Variants in CAMTA1 observed in about 807,000 individuals in gnomAD.
The protein encoded by CAMTA1 is calmodulin-binding transcription activator 1.
CAMTA1 carries 27 observed loss-of-function variants against 170.9 expected under a neutral mutation model. The ratio of observed to expected loss-of-function variants is 0.16; its 90% confidence interval spans 0.12 to 0.22. The LOEUF is 0.22. Among genes scored for constraint, CAMTA1 ranks in the 10% least tolerant of loss-of-function variants. The pLI, the probability that CAMTA1 is intolerant of heterozygous loss-of-function variation, is 1.00. For synonymous variants in CAMTA1, 833 were observed against 891.5 expected (o/e 0.93, Z 1.17); for missense variants, 1,619 against 2,217.2 (o/e 0.73, Z 5.42).
chr1:7,548,672 A>G (rs1344523169), intron 6 of CAMTA1, among the ~76,000 whole-genome samples: 630 of 52,798 alleles, frequency 0.012, no homozygotes, highest in African/African-American at 0.013. Flanking sequence ...AGGGGTGGAG[A>G]TGCCCATGGA....
intron 11 of CAMTA1, among the ~76,000 whole-genome samples, chr1:7,690,522 T>C (rs899941273): frequency 3.3e-5 from 5 of 152,222 alleles, no homozygotes; most frequent in African/African-American, 1.2e-4. Flanking sequence ...CCTGCATCAC[T>C]TCAGTGGCAC....
intron 3 of CAMTA1, among the ~76,000 whole-genome samples, chr1:6,921,306 T>C (rs1681959017): frequency 6.6e-6 from 1 of 152,264 alleles, no homozygotes. Flanking sequence ...AAGAGTCACC[T>C]TTATTCCAAT....
chr1:6,851,786 G>A (rs1660453084), intron 3 of CAMTA1, among the ~76,000 whole-genome samples: 1 of 152,002 alleles, frequency 6.6e-6, no homozygotes, highest in Non-Finnish European at 1.5e-5. Flanking sequence ...GGCTGAGGTG[G>A]GCAGATCAGT....
At chr1:7,021,748 C>A (rs1194765496) in intron 3 of CAMTA1, among the ~76,000 whole-genome samples, 1 of 152,186 alleles carries the variant, frequency 6.6e-6, no homozygotes, top group Non-Finnish European at 1.5e-5. Context: ...AAATCCCCCA[C>A]TCATTTTGAG....
At chr1:7,285,843 G>T (rs553147357) in intron 5 of CAMTA1, among the ~76,000 whole-genome samples, 1 of 152,298 alleles carries the variant, frequency 6.6e-6, no homozygotes, top group Non-Finnish European at 1.5e-5. Context: ...GAGCCCCACT[G>T]ATGGCTGAAA....
At chr1:7,164,933 A>G (rs1251542979) in intron 4 of CAMTA1, among the ~76,000 whole-genome samples, 1 of 152,258 alleles carries the variant, frequency 6.6e-6, no homozygotes, top group Non-Finnish European at 1.5e-5. Flanking sequence ...AGTATCCTGC[A>G]TTAGAATGCT....
chr1:7,217,486 A>G (rs1416080725), intron 4 of CAMTA1, among the ~76,000 whole-genome samples: 3 of 152,042 alleles, frequency 2.0e-5, no homozygotes, highest in African/African-American at 4.8e-5. Flanking sequence ...AAATTTTTTT[A>G]TTTTCATAAG....
rs374614729 is a variant in CAMTA1 at position 7,188,079 on chromosome 1, A to T, written c.303-61412A>T. ...AAGGTGGCAGGAGAGAGAAGTGGGCAAGAGGGGAACTACCAAACACATAAA... is the reference window on the plus strand; with the variant it reads ...AAGGTGGCAGGAGAGAGAAGTGGGCTAGAGGGGAACTACCAAACACATAAA... On this transcript the variant is annotated intron_variant, in intron 4 of 22. Transcript: ENST00000303635. Among the ~76,000 whole-genome samples, 148 of 152,316 alleles carry T rather than the reference A, an allele frequency of 9.7e-4. 2 individuals are homozygous for T. In the South Asian group the frequency reaches 0.03, roughly 31 times the overall value.
At chr1:7,603,633 T>A (rs1035316868) in intron 6 of CAMTA1, among the ~76,000 whole-genome samples, 3 of 152,248 alleles carry the variant, frequency 2.0e-5, no homozygotes, top group African/African-American at 7.2e-5. Context: ...TGACTCTTTA[T>A]CCAATTTGCC....
chr1:6,878,997 G>A (rs980137634), intron 3 of CAMTA1, among the ~76,000 whole-genome samples: 3 of 152,150 alleles, frequency 2.0e-5, no homozygotes, highest in Admixed American at 6.5e-5. Context: ...TTATCACAGC[G>A]AAGAGTTTTA....
intron 5 of CAMTA1, among the ~76,000 whole-genome samples, chr1:7,431,526 T>A (rs1017080643): frequency 5.3e-5 from 8 of 152,080 alleles, no homozygotes; most frequent in Non-Finnish European, 1.0e-4. Flanking sequence ...TAGACTCAGC[T>A]CCACACTGGG....
In CAMTA1 at chr1:6,908,958, AAATTT is replaced by A. The variant is rs578160271; in HGVS notation, c.234+83753_234+83757del. On this transcript the variant is annotated intron_variant, in intron 3 of 22. Coordinates refer to ENST00000303635, the MANE Select transcript of CAMTA1 (RefSeq NM_015215.4). ...ATGGCTGAAACTGCTCGATCAATTT[AAATTT>A]AATTAAAAAGCATCGAATCAAAGAA... 1.6e-4 allele frequency among the ~76,000 whole-genome samples: 24 copies of A among 152,366 alleles called. No individual in the cohort carries two copies. In the East Asian group the frequency reaches 4.0e-3, roughly 26 times the overall value.
chr1:7,214,918 T>C (rs1284918522), intron 4 of CAMTA1, among the ~76,000 whole-genome samples: 1 of 151,974 alleles, frequency 6.6e-6, no homozygotes, highest in Non-Finnish European at 1.5e-5. Context: ...TTGAAAAGGC[T>C]ATCTTTCAAC....
chr1:7,671,439 C>G (rs901289630), intron 10 of CAMTA1, among the ~76,000 whole-genome samples: 2 of 152,180 alleles, frequency 1.3e-5, no homozygotes, highest in East Asian at 3.9e-4. Flanking sequence ...TGCACCTGCC[C>G]GTGCCTCCCA....
intron 11 of CAMTA1, among the ~76,000 whole-genome samples, chr1:7,692,752 A>G (rs930160740): frequency 6.6e-6 from 1 of 152,148 alleles, no homozygotes; most frequent in African/African-American, 2.4e-5. Context: ...GTCATAAACT[A>G]TATGGAAGAA....
chr1:7,744,924 A>C lies in CAMTA1; in HGVS notation c.4272A>C (p.Gly1424=). ...ATTTTGTGCCCATGGAGTCCTCAGG[A>C]TTGGAAAGAACAGACCCTGCCACCA... ...QENFVPMESS[G]LERTDPATIS... is the part of the protein sequence containing the mutation. Residue 1424 remains glycine (G), a synonymous_variant, in exon 17 of 23, where the codon GGA becomes GGC. Transcript: ENST00000303635. 1 of 1,614,082 alleles carries C rather than the reference A, an allele frequency of 6.2e-7. No homozygotes were observed. The highest frequency in any genetic ancestry group is 1.1e-5 in the South Asian group (1 of 91,072).
rs1704475450 is a variant in CAMTA1 at position 7,041,589 on chromosome 1, A to G, written c.235-49715A>G. 6.6e-6 allele frequency among the ~76,000 whole-genome samples: 1 copy of G among 152,264 alleles called. No homozygotes were observed. Among genetic ancestry groups the G allele is most frequent in the South Asian group, 2.1e-4 (1 of 4,836 alleles). On this transcript the variant is annotated intron_variant, in intron 3 of 22. Transcript: ENST00000303635. This position sits in a 1 kb window ranked among gnomAD's most constrained non-coding sequence, Gnocchi z 5.1. ...CAGTTCTGTAGAAATGTGAAACATT[A>G]TTATGTTATAGAATATTGGAGTGAA...
chr1:6,859,275 T>G (rs943293205), intron 3 of CAMTA1, among the ~76,000 whole-genome samples: 1 of 152,198 alleles, frequency 6.6e-6, no homozygotes, highest in African/African-American at 2.4e-5. Flanking sequence ...TTCCTCCCCA[T>G]TTATACACCA....
intron 4 of CAMTA1, among the ~76,000 whole-genome samples, chr1:7,124,803 G>A (rs546136025): frequency 5.3e-5 from 8 of 152,320 alleles, no homozygotes; most frequent in Admixed American, 2.0e-4. Flanking sequence ...AAGATTTAAC[G>A]TCGCCCTCCC....
Sources: gnomAD v4.1 joint callset for allele counts (sites outside exome capture counted in the v4.1 genomes callset) on GRCh38, gnomAD v4.1.1 for gene constraint, Gnocchi (gnomAD v3.1) non-coding constraint, MANE v1.5 for transcripts, NCBI Gene and HGNC (gene_info 2026-07-23, HGNC 2026-07-21) for gene names.